MAP3K20: variants seen among roughly 807,000 people sequenced by gnomAD.
MAP3K20 encodes mitogen-activated protein kinase kinase kinase 20.
In MAP3K20, 40 loss-of-function variants were observed where a neutral mutation model predicts 85.7. The observed-to-expected ratio is 0.47, with a 90% CI of 0.36 to 0.61. The LOEUF is 0.61. Among genes scored for constraint, MAP3K20 ranks in the 20% least tolerant of loss-of-function variants. The pLI, the probability that MAP3K20 is intolerant of heterozygous loss-of-function variation, is 0.00. For synonymous variants in MAP3K20, 325 were observed against 327.7 expected, an observed-to-expected ratio of 0.99 and a Z score of 0.09; for missense variants, 817 against 961.7, an observed-to-expected ratio of 0.85 and a Z score of 1.99.
intron 1 of MAP3K20, among the ~76,000 whole-genome samples, chr2:173,089,782 A>G (rs1198614777): frequency 2.0e-5 from 3 of 152,158 alleles, no homozygotes; most frequent in Non-Finnish European, 4.4e-5. Context: ...CATGTTGGCC[A>G]GGCTGGTCTC....
chr2:173,249,278 C>T (rs1684990426), intron 16 of MAP3K20, among the ~76,000 whole-genome samples: 1 of 152,144 alleles, frequency 6.6e-6, no homozygotes, highest in African/African-American at 2.4e-5. Context: ...CAGCTAGAGA[C>T]CTCAGTACTC....
chr2:173,164,599 G>C (rs1184815178), intron 2 of MAP3K20, among the ~76,000 whole-genome samples: 3 of 152,104 alleles, frequency 2.0e-5, no homozygotes, highest in Non-Finnish European at 2.9e-5. Context: ...TAAAGACACA[G>C]AATCTTTTAA....
intron 12 of MAP3K20, among the ~76,000 whole-genome samples, 184 bp from the exon 13 acceptor site, chr2:173,232,008 G>A (rs1202692527): frequency 6.6e-6 from 1 of 152,230 alleles, no homozygotes; most frequent in Non-Finnish European, 1.5e-5. Context: ...CCCGAAGAGA[G>A]GGATATCTCC....
intron 7 of MAP3K20, among the ~76,000 whole-genome samples, chr2:173,193,842 A>G (rs1232564406): frequency 6.6e-6 from 1 of 152,100 alleles, no homozygotes; most frequent in Non-Finnish European, 1.5e-5. Context: ...TGCTGACCCT[A>G]CCTTTGCTTA....
In MAP3K20 at chr2:173,267,256, A is replaced by G. The variant is rs1397520268; in HGVS notation, c.*506A>G. On this transcript the variant is annotated 3_prime_UTR_variant, in exon 20 of 20. Transcript: ENST00000375213. ...TTATTTTTTTAAATATTGCATTAAA[A>G]TATCATTTAGCTTGATTATCGAGTT... The G allele has an allele frequency of 6.6e-6, 1 of 152,210 alleles. No homozygotes were observed. Among genetic ancestry groups the G allele is most frequent in the East Asian group, 1.9e-4 (1 of 5,206 alleles). The allele number at this position is 152,210 out of a possible 1,614,324, so 9.4% of individuals were successfully genotyped here.
intron 4 of MAP3K20, among the ~76,000 whole-genome samples, chr2:173,183,511 C>G (rs1307205567): frequency 6.6e-6 from 1 of 152,164 alleles, no homozygotes; most frequent in Non-Finnish European, 1.5e-5. Context: ...CACCAAACCC[C>G]TAAACAAAGT....
At chr2:173,101,962 G>T (rs1431110445) in intron 2 of MAP3K20, among the ~76,000 whole-genome samples, 1 of 152,214 alleles carries the variant, frequency 6.6e-6, no homozygotes, top group South Asian at 2.1e-4. Context: ...CTCTAGTTTG[G>T]AACAGCTTCT....
rs1404918965 is a variant in MAP3K20, at chr2:173,110,224, TATATATATATATA to T, written c.159+19035_159+19047del. Among the ~76,000 whole-genome samples the T allele has an allele frequency of 4.6e-3, 49 of 10,566 alleles. 1 individual carries two copies. Among genetic ancestry groups the T allele is most frequent in the Non-Finnish European group, 9.0e-3 (44 of 4,916 alleles). The allele number at this position is 10,566 out of a possible 152,430, so 6.9% of individuals were successfully genotyped here. A position where few individuals can be genotyped will look rare whatever the true frequency, so the allele number is the denominator to read the frequency against. On this transcript the variant is annotated intron_variant, in intron 2 of 19. Coordinates refer to ENST00000375213, the MANE Select transcript of MAP3K20 (RefSeq NM_016653.3). Reference sequence around the variant, plus strand: ...ACATATATATATATATATATATATATATATATATATATATATATTTTTTTTTTTTTTTTTTTTT... The same window carrying T: ...ACATATATATATATATATATATATATTATATTTTTTTTTTTTTTTTTTTTT...
At chr2:173,161,170 C>T (rs1380424755) in intron 2 of MAP3K20, among the ~76,000 whole-genome samples, 2 of 152,204 alleles carry the variant, frequency 1.3e-5, no homozygotes, top group African/African-American at 4.8e-5. Flanking sequence ...AAAGGATTCT[C>T]AAGAAATTGT....
In MAP3K20 at chr2:173,116,091, A is replaced by G. The variant is rs539698845; in HGVS notation, c.159+24901A>G. On this transcript the variant is annotated intron_variant, in intron 2 of 19. Transcript: ENST00000375213. ...TCTCACTAACTCCTGAGCTCAAGCAATCCTCCCATCTCAGCCTCCCAAAGA... is the reference window on the plus strand; with the variant it reads ...TCTCACTAACTCCTGAGCTCAAGCAGTCCTCCCATCTCAGCCTCCCAAAGA... Among the ~76,000 whole-genome samples, 36 of 152,138 alleles carry G rather than the reference A, an allele frequency of 2.4e-4. No individual in the cohort carries two copies. In the South Asian group the frequency reaches 6.9e-3, roughly 29 times the overall value.
intron 16 of MAP3K20, among the ~76,000 whole-genome samples, chr2:173,247,777 G>A (rs778722040): frequency 6.6e-6 from 1 of 152,190 alleles, no homozygotes; most frequent in Non-Finnish European, 1.5e-5. Context: ...TATGGCATAG[G>A]TTGTGGTGAT....
At chr2:173,192,432 T>C (rs1357523049) in intron 7 of MAP3K20, among the ~76,000 whole-genome samples, 2 of 152,132 alleles carry the variant, frequency 1.3e-5, no homozygotes, top group Admixed American at 6.5e-5. Context: ...ATTTCAAGAA[T>C]GAAATATGTT....
chr2:173,233,922 T>C (rs1256317889), intron 14 of MAP3K20, among the ~76,000 whole-genome samples: 1 of 152,120 alleles, frequency 6.6e-6, no homozygotes, highest in Admixed American at 6.5e-5. Context: ...TTCTCCCTCT[T>C]AGAAGAAGGG....
chr2:173,226,774 C>A (rs1381535149), intron 11 of MAP3K20: 24 of 985,454 alleles, frequency 2.4e-5, no homozygotes, highest in Non-Finnish European at 2.9e-5. Context: ...ATTGCTTTTG[C>A]ACTCTTAAAA....
At chr2:173,257,858 A>G (rs865811092) in intron 16 of MAP3K20, among the ~76,000 whole-genome samples, 13 of 152,192 alleles carry the variant, frequency 8.5e-5, no homozygotes, top group African/African-American at 3.1e-4. Flanking sequence ...TGATGGGTGT[A>G]TAGTGGTACC....
chr2:173,184,504 C>T (rs940991127), intron 4 of MAP3K20, among the ~76,000 whole-genome samples: 3 of 152,192 alleles, frequency 2.0e-5, no homozygotes, highest in African/African-American at 7.2e-5. Context: ...CACATCATCC[C>T]GACTGAGGGA....
At chr2:173,102,026 G>A (rs574237533) in intron 2 of MAP3K20, among the ~76,000 whole-genome samples, 6 of 152,220 alleles carry the variant, frequency 3.9e-5, no homozygotes, top group African/African-American at 1.2e-4. Context: ...CCCTGCCTCC[G>A]GGGCCATATA....
At chr2:173,223,557 G>A (rs1684307231) in intron 11 of MAP3K20, 2 of 985,394 alleles carry the variant, frequency 2.0e-6, no homozygotes, top group Non-Finnish European at 2.4e-6. Context: ...GAAATTAAAA[G>A]TGGATAGCTT....
intron 11 of MAP3K20, among the ~76,000 whole-genome samples, chr2:173,228,454 A>AT (rs1684442894): frequency 1.3e-5 from 2 of 152,224 alleles, no homozygotes; most frequent in Middle Eastern, 6.8e-3. Flanking sequence ...TCCCTTTGTG[A>AT]ATACATCTGT....
Sources: allele counts gnomAD v4.1 joint callset (sites outside exome capture counted in the v4.1 genomes callset), GRCh38; gene constraint gnomAD v4.1.1; transcripts MANE v1.5; gene names NCBI Gene and HGNC (gene_info 2026-07-23, HGNC 2026-07-21).